The following CACNA1E variants were observed in gnomAD, a reference collection of about 807,000 sequenced individuals.
CACNA1E encodes voltage-dependent R-type calcium channel subunit alpha-1E.
CACNA1E carries 40 observed loss-of-function variants against 259.2 expected under a neutral mutation model. The observed-to-expected ratio is 0.15, with a 90% CI of 0.12 to 0.20. The LOEUF is 0.20. Among genes scored for constraint, CACNA1E ranks in the 10% least tolerant of loss-of-function variants. CACNA1E has a pLI of 1.00. For synonymous variants in CACNA1E, 1,104 were observed against 1,138.5 expected (o/e 0.97, Z 0.61); for missense variants, 1,874 against 3,040.1 (o/e 0.62, Z 9.02).
intron 40 of CACNA1E, among the ~76,000 whole-genome samples, chr1:181,784,363 T>C (rs991882630): frequency 1.3e-5 from 2 of 152,196 alleles, no homozygotes; most frequent in Admixed American, 6.5e-5. Context: ...ATTGTTATTT[T>C]CTCCTCTGAT....
chr1:181,626,488 A>G (rs926818311), intron 6 of CACNA1E, among the ~76,000 whole-genome samples: 2 of 152,204 alleles, frequency 1.3e-5, no homozygotes, highest in Non-Finnish European at 2.9e-5. Flanking sequence ...AGCCTCTCTC[A>G]GGGCCTTTCA....
chr1:181,373,529 T>TTTTC (rs1305002067), intron 1 of CACNA1E, among the ~76,000 whole-genome samples: 1 of 145,044 alleles, frequency 6.9e-6, no homozygotes, highest in African/African-American at 2.5e-5. Flanking sequence ...TCTCTTTTTC[T>TTTTC]TTTCTTTCTT....
intron 3 of CACNA1E, among the ~76,000 whole-genome samples, chr1:181,557,318 G>A (rs750047093): frequency 8.5e-5 from 13 of 152,204 alleles, no homozygotes; most frequent in Non-Finnish European, 1.3e-4. Context: ...GAGCCTCTGC[G>A]TATTACTCAG....
At chr1:181,471,303 G>A (rs1662491394) in intron 2 of CACNA1E, among the ~76,000 whole-genome samples, 2 of 152,228 alleles carry the variant, frequency 1.3e-5, no homozygotes, top group Admixed American at 1.3e-4. Flanking sequence ...AAGGGCAGTA[G>A]TAAGATGTAG....
chr1:181,478,737 C>T (rs534249120), upstream of CACNA1E, among the ~76,000 whole-genome samples: 103 of 152,330 alleles, frequency 6.8e-4, 1 homozygote, highest in South Asian at 0.017. Flanking sequence ...GGTGAAAAAT[C>T]TCTTATGAAG....
chr1:181,779,827 C>G (rs1660270001), intron 38 of CACNA1E, among the ~76,000 whole-genome samples: 1 of 150,844 alleles, frequency 6.6e-6, no homozygotes, highest in Admixed American at 6.7e-5. Context: ...TGTACACACA[C>G]ACACACACAC....
At chr1:181,347,670 A>T (rs541365391) in intron 1 of CACNA1E, among the ~76,000 whole-genome samples, 1 of 152,250 alleles carries the variant, frequency 6.6e-6, no homozygotes, top group East Asian at 1.9e-4. Context: ...TGCGTGTTTC[A>T]GTCATTTGTG....
At chr1:181,710,882 T>C in intron 7 of CACNA1E, 72 bp from the exon 8 acceptor site, 1 of 1,071,534 alleles carries the variant, frequency 9.3e-7, no homozygotes, top group Non-Finnish European at 1.5e-6. Context: ...TCTCTCTCTG[T>C]TGCTTGATTC....
intron 6 of CACNA1E, among the ~76,000 whole-genome samples, chr1:181,608,865 G>T (rs1654480517): frequency 6.6e-6 from 1 of 152,116 alleles, no homozygotes. Flanking sequence ...CTTATTGATT[G>T]TATATTATTA....
Position 181,379,717 on chromosome 1 carries a change from C to T in CACNA1E, c.-14-33416C>T, listed in dbSNP as rs143531039. 4.7e-3 allele frequency among the ~76,000 whole-genome samples: 716 copies of T among 152,210 alleles called. 6 individuals carry two copies. Among genetic ancestry groups the T allele is most frequent in the African/African-American group, 7.3e-3 (302 of 41,530 alleles). ...AAGGTCTCTACCCTTATGATATAAT[C>T]ACCTCCTAAAGGCCTCACCTTCTAA... On this transcript the variant is annotated intron_variant, in intron 1 of 11. Transcript: ENST00000524607.
At chr1:181,662,111 G>A (rs1186834889) in intron 7 of CACNA1E, among the ~76,000 whole-genome samples, 3 of 152,156 alleles carry the variant, frequency 2.0e-5, no homozygotes, top group African/African-American at 7.2e-5. Context: ...ACTTTTCCTG[G>A]GTGAGTTGTG....
intron 2 of CACNA1E, among the ~76,000 whole-genome samples, chr1:181,428,310 A>C (rs1659454734): frequency 7.0e-6 from 1 of 143,430 alleles, no homozygotes; most frequent in South Asian, 2.1e-4. Flanking sequence ...GGAGTTATTA[A>C]TTGTCAGTCC....
rs182167859 is a variant in CACNA1E, at chr1:181,404,712, T to C, written c.-14-8421T>C. On this transcript the variant is annotated intron_variant, in intron 1 of 11. Transcript: ENST00000524607. ...TAACCCAAGATCTTCCCACTCATTG[T>C]CAAGCTTCTTTGAACTTCCCACGTG... 1.4e-3 allele frequency among the ~76,000 whole-genome samples: 216 copies of C among 152,312 alleles called. 1 individual carries two copies. The highest frequency in any genetic ancestry group is 2.8e-3 in the Non-Finnish European group (188 of 68,014).
At chr1:181,344,105 G>T (rs1652402007) in intron 1 of CACNA1E, among the ~76,000 whole-genome samples, 1 of 152,134 alleles carries the variant, frequency 6.6e-6, no homozygotes, top group African/African-American at 2.4e-5. Flanking sequence ...CTTTTAGTTA[G>T]CTCTCCTGTT....
At chr1:181,683,298 G>A (rs191045979) in intron 7 of CACNA1E, among the ~76,000 whole-genome samples, 1 of 152,246 alleles carries the variant, frequency 6.6e-6, no homozygotes, top group Non-Finnish European at 1.5e-5. Context: ...CAGTGGAAGA[G>A]TTGGAACTTC....
intron 38 of CACNA1E, among the ~76,000 whole-genome samples, chr1:181,778,815 C>T (rs1660176227): frequency 6.6e-6 from 1 of 152,136 alleles, no homozygotes; most frequent in Non-Finnish European, 1.5e-5. Context: ...CCTCAGCAGG[C>T]TCCTACTGAG....
intron 1 of CACNA1E, among the ~76,000 whole-genome samples, chr1:181,335,241 G>A (rs1431702099): frequency 6.6e-6 from 1 of 152,212 alleles, no homozygotes; most frequent in Non-Finnish European, 1.5e-5. Flanking sequence ...CCTCAGGAAA[G>A]CTGCCTGGTT....
intron 34 of CACNA1E, 92 bp from the exon 35 acceptor site, chr1:181,766,454 C>T: frequency 1.1e-6 from 1 of 879,466 alleles, no homozygotes; most frequent in Non-Finnish European, 1.9e-6. Context: ...CATTAGCCTC[C>T]AGGCAAGATC....
chr1:181,634,067 G>A (rs1656986165), intron 6 of CACNA1E, among the ~76,000 whole-genome samples: 1 of 152,206 alleles, frequency 6.6e-6, no homozygotes, highest in Non-Finnish European at 1.5e-5. Flanking sequence ...TTCCATTAAT[G>A]TGGACCGATC....
Sources: allele counts gnomAD v4.1 joint callset (sites outside exome capture counted in the v4.1 genomes callset), GRCh38; gene constraint gnomAD v4.1.1; transcripts MANE v1.5; gene names NCBI Gene and HGNC (gene_info 2026-07-23, HGNC 2026-07-21).